Variants in SLC16A3 observed in about 807,000 individuals in gnomAD.
SLC16A3 encodes solute carrier family 16 member 3, also known as monocarboxylate transporter 4.
SLC16A3 carries 22 observed loss-of-function variants against 25.0 expected under a neutral mutation model. The ratio of observed to expected loss-of-function variants is 0.88; its 90% confidence interval spans 0.63 to 1.26. The LOEUF is 1.26. SLC16A3 is among the 50% of genes most tolerant of loss of function. The pLI, the probability that SLC16A3 is intolerant of heterozygous loss-of-function variation, is 0.00. For missense variants in SLC16A3, 731 were observed against 666.6 expected, an observed-to-expected ratio of 1.10 and a Z score of -1.06; for synonymous variants, 390 against 309.2, an observed-to-expected ratio of 1.26 and a Z score of -2.74.
rs145651525 is a variant in SLC16A3, at chr17:82,238,941, G to A, written c.1363G>A (p.Gly455Arg). Residue 455 changes from glycine to arginine, a missense_variant, in exon 5 of 5, where the codon GGG becomes AGG. Coordinates refer to ENST00000582743, the MANE Select transcript of SLC16A3 (RefSeq NM_004207.4). ...HFLKAEPEKN[G>R]EVVHTPETSV ...CCTGAAGGCTGAGCCTGAGAAAAAC[G>A]GGGAGGTGGTTCACACCCCGGAAAC... The A allele has an allele frequency of 1.1e-4, 177 of 1,564,494 alleles. No individual in the cohort carries two copies. In the African/African-American group the frequency reaches 2.0e-3, roughly 17 times the overall value.
chr17:82,236,182 C>CT lies in SLC16A3; in HGVS notation c.174_175insT (p.Asp59Ter). On this transcript the variant is annotated frameshift_variant, in exon 2 of 5. Transcript: ENST00000582743. LOFTEE classifies it high-confidence loss of function. ...TACAGGAGTTTGGGATCGGCTACAG[C>CT]GACACAGCCTGGATCTCCTCCATCC... is the stretch of plus-strand genomic sequence containing the variant. The CT allele has an allele frequency of 1.9e-6, 3 of 1,613,074 alleles. No homozygotes were observed. Among genetic ancestry groups the CT allele is most frequent in the Non-Finnish European group, 2.5e-6 (3 of 1,179,968 alleles).
At chr17:82,234,102 A>G (rs1054525665) in intron 1 of SLC16A3, 5 of 152,186 alleles carry the variant, frequency 3.3e-5, no homozygotes, top group African/African-American at 1.2e-4. Flanking sequence ...GGCCCCCCAA[A>G]GTGCTGGGAT....
chr17:82,238,563 A>G, intron 4 of SLC16A3, 139 bp from the exon 5 acceptor site: 1 of 798,002 alleles, frequency 1.3e-6, no homozygotes. Flanking sequence ...AGGGGAGAGA[A>G]CACCTCCCAG....
At chr17:82,236,494 CGTTCCTGAAAAGGTGGCT>C in intron 2 of SLC16A3, 1 of 633,488 alleles carries the variant, frequency 1.6e-6, no homozygotes, top group Middle Eastern at 4.3e-4. Flanking sequence ...TCCTGAGAGC[CGTTCCTGAAAAGGTGGCT>C]GTTCCTGAGC....
chr17:82,236,776 A>G lies in SLC16A3; in HGVS notation c.271A>G (p.Met91Val). The part of the protein sequence containing the change: ...CVNRFGCRPV[M>V]LVGGLFASLG... ...GAACCGCTTTGGCTGCCGGCCCGTC[A>G]TGCTTGTGGGGGGTCTCTTTGCGTC... Residue 91 changes from methionine (M) to valine (V), a missense_variant, in exon 3 of 5, where the codon ATG becomes GTG. Transcript: ENST00000582743. 1 of 1,608,896 alleles carries G rather than the reference A, an allele frequency of 6.2e-7. No individual in the cohort carries two copies. The highest frequency in any genetic ancestry group is 8.5e-7 in the Non-Finnish European group (1 of 1,179,820).
chr17:82,226,604 G>A (rs548458357), upstream of SLC16A3, among the ~76,000 whole-genome samples: 1 of 152,288 alleles, frequency 6.6e-6, no homozygotes, highest in African/African-American at 2.4e-5. Context: ...AACCAAAGTG[G>A]TATTCCGTGC....
At position 82,236,827 on chromosome 17, in the gene SLC16A3, T is replaced by C; in HGVS notation, c.322T>C (p.Cys108Arg). ...GCTGGGCATGGTGGCTGCGTCCTTTTGCCGGAGCATCATCCAGGTCTACCT... is the reference window on the plus strand; with the variant it reads ...GCTGGGCATGGTGGCTGCGTCCTTTCGCCGGAGCATCATCCAGGTCTACCT... Reference protein sequence around the residue: ...ASLGMVAASFCRSIIQVYLTT... With the variant: ...ASLGMVAASFRRSIIQVYLTT... The change falls in exon 3 of 5, where the codon TGC becomes CGC. Residue 108 changes from cysteine to arginine, a missense_variant. Coordinates refer to ENST00000582743, the MANE Select transcript of SLC16A3 (RefSeq NM_004207.4). 2 of 1,607,800 alleles carry C rather than the reference T, an allele frequency of 1.2e-6. No homozygotes were observed. The highest frequency in any genetic ancestry group is 1.7e-6 in the Non-Finnish European group (2 of 1,179,858).
rs775922696 is a variant in SLC16A3, at chr17:82,237,403, G to A, written c.633G>A (p.Pro211=). 81 of 1,560,032 alleles carry A rather than the reference G, an allele frequency of 5.2e-5. No homozygotes were observed. Among genetic ancestry groups the A allele is most frequent in the Non-Finnish European group, 5.9e-5 (68 of 1,152,484 alleles). ...VVTAQPGSGP[P]RPSRRLLDLS... is the part of the protein sequence containing the mutation. ...CGGCCCAGCCGGGCTCGGGGCCGCC[G>A]CGACCCTCCCGGCGCCTGCTAGACC... Residue 211 remains proline (P), a synonymous_variant, in exon 4 of 5, where the codon CCG becomes CCA. Coordinates refer to ENST00000582743, the MANE Select transcript of SLC16A3 (RefSeq NM_004207.4).
upstream of SLC16A3, among the ~76,000 whole-genome samples, chr17:82,227,226 G>GCGCC (rs555901651): frequency 1.6e-3 from 237 of 152,266 alleles, no homozygotes; most frequent in Middle Eastern, 6.8e-3. Flanking sequence ...CCTGGCAGGG[G>GCGCC]CGCCCCTTTG....
chr17:82,227,025 T>G (rs1312531194), upstream of SLC16A3, among the ~76,000 whole-genome samples: 1 of 152,140 alleles, frequency 6.6e-6, no homozygotes, highest in Non-Finnish European at 1.5e-5. Context: ...CTGACTGGCC[T>G]GCCTGCTCCC....
chr17:82,240,080 C>G lies in SLC16A3; in HGVS notation c.*1104C>G, dbSNP rs761086341. 1.8e-4 allele frequency: 222 copies of G among 1,233,448 alleles called. No individual in the cohort carries two copies. The highest frequency in any genetic ancestry group is 2.2e-4 in the Non-Finnish European group (217 of 987,714). 76.4% of individuals were successfully genotyped at this position (1,233,448 alleles called of 1,614,324 possible). ...CTGCTCCTCTGCAATGAAAAGCAAGCGAAAAGTGCACATCTCAGGTCCAGC... is the reference window on the plus strand; with the variant it reads ...CTGCTCCTCTGCAATGAAAAGCAAGGGAAAAGTGCACATCTCAGGTCCAGC... On this transcript the variant is annotated 3_prime_UTR_variant, in exon 5 of 5. Coordinates refer to ENST00000582743, the MANE Select transcript of SLC16A3 (RefSeq NM_004207.4).
intron 1 of SLC16A3, chr17:82,233,852 T>A (rs918608795): frequency 1.3e-4 from 20 of 152,342 alleles, no homozygotes; most frequent in Admixed American, 1.2e-3. Flanking sequence ...TTTTTTATTT[T>A]TTTTTTGAGA....
In SLC16A3 at chr17:82,239,569, C is replaced by T. The variant is rs970313148; in HGVS notation, c.*593C>T. ...GATGGCCTGGCTGTTCCTACCGTGG[C>T]TCTGTCCTCGCCAGCTTTCCCTGCA... On this transcript the variant is annotated 3_prime_UTR_variant, in exon 5 of 5. Coordinates refer to ENST00000582743, the MANE Select transcript of SLC16A3 (RefSeq NM_004207.4). The T allele has an allele frequency of 5.2e-6, 1 of 193,824 alleles. No individual in the cohort carries two copies. Among genetic ancestry groups the T allele is most frequent in the Non-Finnish European group, 1.0e-5 (1 of 96,052 alleles). 12.0% of individuals were successfully genotyped at this position (193,824 alleles called of 1,614,324 possible).
intron 1 of SLC16A3, among the ~76,000 whole-genome samples, chr17:82,232,920 G>GGGGGT (rs2050522843): frequency 7.0e-6 from 1 of 142,960 alleles, no homozygotes; most frequent in Non-Finnish European, 1.5e-5. Flanking sequence ...GGGGGCGGCG[G>GGGGGT]GGGGGGGGTT....
intron 1 of SLC16A3, chr17:82,231,325 G>T (rs891948790): frequency 4.3e-4 from 66 of 152,344 alleles, no homozygotes; most frequent in African/African-American, 1.6e-3. Context: ...TCCTGGCGAG[G>T]GTGGAGTTTT....
chr17:82,219,094 C>G (rs1462957549), intron 1 of SLC16A3, among the ~76,000 whole-genome samples: 1 of 152,040 alleles, frequency 6.6e-6, no homozygotes, highest in Non-Finnish European at 1.5e-5. Flanking sequence ...ATGGGGCCAC[C>G]CCAGGCAGGT....
intron 1 of SLC16A3, chr17:82,229,839 G>A (rs1348301046): frequency 6.6e-6 from 1 of 152,378 alleles, no homozygotes; most frequent in Non-Finnish European, 1.5e-5. Flanking sequence ...CAAGAGACAG[G>A]AGCCGCAGAG....
Position 82,239,181 on chromosome 17 carries a change from C to G in SLC16A3, c.*205C>G. The G allele has an allele frequency of 2.0e-6, 1 of 490,132 alleles. No homozygotes were observed. The highest frequency in any genetic ancestry group is 5.4e-4 in the Middle Eastern group (1 of 1,836). 30.4% of individuals were successfully genotyped at this position (490,132 alleles called of 1,614,324 possible). ...TTCCAGAGTGGATCTGCGGTGAAGC[C>G]AAGCCGCAAGGTTACAAGGCATCCT... On this transcript the variant is annotated 3_prime_UTR_variant, in exon 5 of 5. Coordinates refer to ENST00000582743, the MANE Select transcript of SLC16A3 (RefSeq NM_004207.4).
chr17:82,238,966 CA>C lies in SLC16A3; in HGVS notation c.1390del (p.Ser464ValfsTer52). 6.5e-7 allele frequency: 1 copy of C among 1,534,484 alleles called. No homozygotes were observed. The highest frequency in any genetic ancestry group is 8.8e-7 in the Non-Finnish European group (1 of 1,135,616). ...GGGGAGGTGGTTCACACCCCGGAAA[CA>C]AGTGTCTGAGTGGCTGGGCGGGGCC... ...KNGEVVHTPE[T>X]SV On this transcript the variant is annotated frameshift_variant, in exon 5 of 5. Transcript: ENST00000582743. LOFTEE classifies it high-confidence loss of function.
Sources: allele counts gnomAD v4.1 joint callset (sites outside exome capture counted in the v4.1 genomes callset), GRCh38; gene constraint gnomAD v4.1.1; transcripts MANE v1.5; gene names NCBI Gene and HGNC (gene_info 2026-07-23, HGNC 2026-07-21).